Variants in GRIA1 observed in about 807,000 individuals in gnomAD.
GRIA1 encodes glutamate ionotropic receptor AMPA type subunit 1.
Under a neutral mutation model 99.2 loss-of-function variants are expected in GRIA1, and 31 were observed. The observed-to-expected ratio is 0.31, with a 90% confidence interval of 0.23 to 0.42. The LOEUF is 0.42. Ranked by LOEUF, GRIA1 falls within the 10% of genes least tolerant of loss-of-function variation. GRIA1 has a pLI of 1.00. For synonymous variants in GRIA1, 438 were observed against 432.4 expected (o/e 1.01, Z -0.16); for missense variants, 782 against 1,157.5 (o/e 0.68, Z 4.71).
Position 153,588,007 on chromosome 5 carries a change from A to T in GRIA1, c.221-58921A>T, listed in dbSNP as rs115273737. On this transcript the variant is annotated intron_variant, in intron 2 of 15. Coordinates refer to ENST00000285900, the MANE Select transcript of GRIA1 (RefSeq NM_000827.4). ...ATACCAAAATCTTAGGTTCTAAAAA[A>T]TGAGAAAGCATTAAGGTATCGAATG... 8.1e-3 allele frequency among the ~76,000 whole-genome samples: 1,239 copies of T among 152,352 alleles called. 19 individuals carry two copies. Among genetic ancestry groups the T allele is most frequent in the African/African-American group, 0.028 (1,181 of 41,582 alleles).
rs557797577 is a variant in GRIA1 at position 153,650,569 on chromosome 5, C to T, written c.645+55C>T. On this transcript the variant is annotated intron_variant, in intron 4 of 15. Transcript: ENST00000285900. ...GTGCGGGAGGTGATTCAGGAATAGC[C>T]AGACACACTTTTGCCTTGGGTGTTA... 1.4e-5 allele frequency: 21 copies of T among 1,542,910 alleles called. No homozygotes were observed. In the African/African-American group the frequency reaches 1.5e-4, roughly 11 times the overall value.
At chr5:153,660,045 C>A (rs1435435517) in intron 5 of GRIA1, among the ~76,000 whole-genome samples, 2 of 152,064 alleles carry the variant, frequency 1.3e-5, no homozygotes, top group African/African-American at 4.8e-5. Context: ...ATTCATCATC[C>A]CCATTTTACA....
chr5:153,758,198 A>T (rs1762947660), intron 11 of GRIA1, among the ~76,000 whole-genome samples: 1 of 152,072 alleles, frequency 6.6e-6, no homozygotes. Context: ...GGCAGTGGTA[A>T]GCCCTGACTG....
chr5:153,595,901 G>C (rs1337815067), intron 2 of GRIA1, among the ~76,000 whole-genome samples: 1 of 151,842 alleles, frequency 6.6e-6, no homozygotes, highest in Non-Finnish European at 1.5e-5. Context: ...GGCTAACTTA[G>C]TGCTTTTAAA....
At chr5:153,574,715 GGCAAA>G (rs1367256436) in intron 2 of GRIA1, among the ~76,000 whole-genome samples, 1 of 152,014 alleles carries the variant, frequency 6.6e-6, no homozygotes, top group Non-Finnish European at 1.5e-5. Context: ...TTTTGTCTGA[GGCAAA>G]GCAAAGGAGA....
intron 2 of GRIA1, among the ~76,000 whole-genome samples, chr5:153,579,856 C>T (rs764943378): frequency 6.6e-6 from 1 of 151,576 alleles, no homozygotes; most frequent in African/African-American, 2.4e-5. Context: ...CCCCTCAGCT[C>T]CTGCGGGGCC....
intron 4 of GRIA1, among the ~76,000 whole-genome samples, chr5:153,654,791 C>T (rs541929581): frequency 5.9e-5 from 9 of 152,026 alleles, no homozygotes; most frequent in South Asian, 4.2e-4. Context: ...AGAGAGACAC[C>T]GAGCAGAGTA....
At chr5:153,714,083 T>C (rs549294318) in intron 11 of GRIA1, among the ~76,000 whole-genome samples, 1 of 152,202 alleles carries the variant, frequency 6.6e-6, no homozygotes, top group Admixed American at 6.5e-5. Flanking sequence ...ATCACACAGA[T>C]AATTAGTGTA....
At chr5:153,546,048 A>T (rs1355146389) in intron 2 of GRIA1, among the ~76,000 whole-genome samples, 1 of 152,192 alleles carries the variant, frequency 6.6e-6, no homozygotes, top group African/African-American at 2.4e-5. Flanking sequence ...ATAATTACTG[A>T]GGCGTGTGTC....
At chr5:153,740,589 C>T (rs1342223760) in intron 11 of GRIA1, among the ~76,000 whole-genome samples, 1 of 152,220 alleles carries the variant, frequency 6.6e-6, no homozygotes, top group Non-Finnish European at 1.5e-5. Context: ...GAAAATACTT[C>T]TTCCTAGGGA....
At chr5:153,689,490 G>A (rs1031578919) in intron 8 of GRIA1, among the ~76,000 whole-genome samples, 2 of 152,158 alleles carry the variant, frequency 1.3e-5, no homozygotes, top group African/African-American at 4.8e-5. Context: ...CCCAACTCTG[G>A]AGTAGTGGAT....
intron 11 of GRIA1, among the ~76,000 whole-genome samples, chr5:153,745,965 T>C (rs557457824): frequency 6.6e-6 from 1 of 152,342 alleles, no homozygotes; most frequent in South Asian, 2.1e-4. Flanking sequence ...GTGCTTGTCC[T>C]CACGACAGCC....
intron 5 of GRIA1, among the ~76,000 whole-genome samples, chr5:153,672,168 A>G (rs1312556808): frequency 6.6e-6 from 1 of 152,210 alleles, no homozygotes; most frequent in Admixed American, 6.5e-5. Flanking sequence ...ATGTCAGTGT[A>G]GAACTCACCT....
chr5:153,659,919 A>G (rs10077872), intron 5 of GRIA1, among the ~76,000 whole-genome samples: 2,602 of 152,352 alleles, frequency 0.017, 71 homozygotes, highest in African/African-American at 0.059. Context: ...TAACAATAGT[A>G]ATATCAACAA....
chr5:153,493,839 G>T, intron 1 of GRIA1, 89 bp from the exon 2 acceptor site: 1 of 1,344,296 alleles, frequency 7.4e-7, no homozygotes, highest in South Asian at 1.3e-5. Context: ...TTGGCATGGG[G>T]AGAAGAAAAG....
chr5:153,777,851 T>G (rs1370059585), intron 13 of GRIA1, among the ~76,000 whole-genome samples: 1 of 152,180 alleles, frequency 6.6e-6, no homozygotes, highest in South Asian at 2.1e-4. Context: ...ATAGTACTGG[T>G]GCAGAGCCTG....
chr5:153,668,125 G>C (rs1365846811), intron 5 of GRIA1, among the ~76,000 whole-genome samples: 5 of 151,888 alleles, frequency 3.3e-5, no homozygotes, highest in Non-Finnish European at 7.4e-5. Context: ...TTCCCTATCT[G>C]AACAATATGA....
chr5:153,754,289 A>G (rs566968267), intron 11 of GRIA1, among the ~76,000 whole-genome samples: 5 of 152,328 alleles, frequency 3.3e-5, no homozygotes, highest in East Asian at 3.9e-4. Flanking sequence ...TGTGAATCAC[A>G]TGCAAATGAA....
At chr5:153,593,423 A>G (rs1452584462) in intron 2 of GRIA1, among the ~76,000 whole-genome samples, 2 of 152,106 alleles carry the variant, frequency 1.3e-5, no homozygotes, top group Non-Finnish European at 2.9e-5. Flanking sequence ...TCAATTTTAG[A>G]TATTAGTTTT....
Sources: gnomAD v4.1 joint callset for allele counts (sites outside exome capture counted in the v4.1 genomes callset) on GRCh38, gnomAD v4.1.1 for gene constraint, MANE v1.5 for transcripts, NCBI Gene and HGNC (gene_info 2026-07-23, HGNC 2026-07-21) for gene names.